Variants in RBMS1 observed in about 807,000 individuals in gnomAD.
RBMS1 encodes the protein RNA-binding motif, single-stranded-interacting protein 1.
A neutral mutation model predicts 62.3 loss-of-function variants in RBMS1; 17 were observed. The ratio of observed to expected loss-of-function variants is 0.27; its 90% CI spans 0.19 to 0.41. The LOEUF (loss-of-function observed/expected upper bound fraction) is 0.41, where lower values mean the gene tolerates loss of function less well. RBMS1 is among the 10% of genes least tolerant of loss of function. The pLI is 1.00. For synonymous variants in RBMS1, 172 were observed against 170.0 expected, an observed-to-expected ratio of 1.01 and a Z score of -0.09; for missense variants, 334 against 504.5, an observed-to-expected ratio of 0.66 and a Z score of 3.24.
chr2:160,455,715 G>A (rs1157612229), intron 1 of RBMS1, among the ~76,000 whole-genome samples: 1 of 129,342 alleles, frequency 7.7e-6, no homozygotes, highest in Admixed American at 9.0e-5. Flanking sequence ...ACGGAGTCTC[G>A]CTCTGTCGCC....
chr2:160,483,077 C>T (rs1003942574), intron 1 of RBMS1, among the ~76,000 whole-genome samples: 3 of 137,146 alleles, frequency 2.2e-5, no homozygotes, highest in South Asian at 4.5e-4. Context: ...AATAATCTCT[C>T]TTAAAAAAAA....
intron 4 of RBMS1, among the ~76,000 whole-genome samples, chr2:160,306,553 T>A (rs1689536210): frequency 6.6e-6 from 1 of 152,074 alleles, no homozygotes; most frequent in Non-Finnish European, 1.5e-5. Context: ...AGCGCTAATG[T>A]TATTTATGTT....
chr2:160,388,471 T>C (rs1001993361), intron 1 of RBMS1, among the ~76,000 whole-genome samples: 1 of 152,178 alleles, frequency 6.6e-6, no homozygotes, highest in African/African-American at 2.4e-5. Context: ...AGAGACCCAG[T>C]GCCCCTGCTA....
intron 1 of RBMS1, among the ~76,000 whole-genome samples, chr2:160,404,260 G>A (rs570749291): frequency 6.6e-6 from 1 of 152,142 alleles, no homozygotes; most frequent in African/African-American, 2.4e-5. Flanking sequence ...TGTGAGGCAG[G>A]AAAATCCTGT....
intron 1 of RBMS1, among the ~76,000 whole-genome samples, chr2:160,409,137 T>C (rs998971550): frequency 2.6e-5 from 4 of 152,102 alleles, no homozygotes; most frequent in African/African-American, 9.7e-5. Flanking sequence ...GGAAAAAATA[T>C]TCATCCTAGA....
At chr2:160,428,345 G>A (rs1484495710) in intron 1 of RBMS1, among the ~76,000 whole-genome samples, 1 of 152,006 alleles carries the variant, frequency 6.6e-6, no homozygotes, top group Admixed American at 6.6e-5. Flanking sequence ...TATAAATGTC[G>A]AACTAAAAAG....
intron 1 of RBMS1, among the ~76,000 whole-genome samples, chr2:160,481,357 GT>G (rs1685362717): frequency 1.2e-5 from 1 of 81,040 alleles, no homozygotes; most frequent in Non-Finnish European, 2.6e-5. Flanking sequence ...AGTAGGAAAT[GT>G]AAAAAAAAAA....
At chr2:160,354,394 G>C (rs1692681913) in intron 2 of RBMS1, among the ~76,000 whole-genome samples, 1 of 151,994 alleles carries the variant, frequency 6.6e-6, no homozygotes, top group South Asian at 2.1e-4. Context: ...AGCTACACAG[G>C]GGCATTGAAA....
Position 160,448,743 on chromosome 2 carries a change from G to A in RBMS1, c.75+44546C>T, listed in dbSNP as rs532854801. Among the ~76,000 whole-genome samples the A allele has an allele frequency of 6.6e-5, 10 of 152,196 alleles. No homozygotes were observed. The East Asian group carries it at 1.6e-3, about 24-fold the overall frequency. Reference sequence around the variant, plus strand: ...CGTCTGGGAAGTGAGGAGCGTCTCTGCCTGGCCGCCCATCGTCTGGGATGT... The same window carrying A: ...CGTCTGGGAAGTGAGGAGCGTCTCTACCTGGCCGCCCATCGTCTGGGATGT... On this transcript the variant is annotated intron_variant, in intron 1 of 13. Coordinates refer to ENST00000348849, the MANE Select transcript of RBMS1 (RefSeq NM_016836.4).
chr2:160,465,888 A>ACACACACACTCT (rs569580064), intron 1 of RBMS1, among the ~76,000 whole-genome samples: 4 of 145,280 alleles, frequency 2.8e-5, no homozygotes, highest in African/African-American at 7.7e-5. Flanking sequence ...ACACACACAC[A>ACACACACACTCT]CTCTCACATT....
At chr2:160,336,398 A>G (rs930049537) in intron 2 of RBMS1, among the ~76,000 whole-genome samples, 3 of 152,154 alleles carry the variant, frequency 2.0e-5, no homozygotes, top group African/African-American at 7.2e-5. Context: ...TAGCGGGGAG[A>G]CAACCCATGC....
At chr2:160,475,398 A>G (rs1685082810) in intron 1 of RBMS1, among the ~76,000 whole-genome samples, 2 of 152,230 alleles carry the variant, frequency 1.3e-5, no homozygotes. Flanking sequence ...AAAGTGAGAC[A>G]TAACTGGTCC....
chr2:160,468,342 A>G (rs755587935), intron 1 of RBMS1, among the ~76,000 whole-genome samples: 9 of 152,230 alleles, frequency 5.9e-5, no homozygotes, highest in Non-Finnish European at 1.3e-4. Context: ...CTCTGAGAAC[A>G]TGGATTCATG....
In RBMS1 at chr2:160,325,050, G is replaced by A. The variant is rs373844771; in HGVS notation, c.252-6823C>T. 3.5e-4 allele frequency among the ~76,000 whole-genome samples: 53 copies of A among 151,856 alleles called. 1 individual carries two copies. In the South Asian group the frequency reaches 1.0e-2, roughly 29 times the overall value. ...AGAGTCAGTAAGGGACGTATTCAAG[G>A]TTACACAACTAAGTAGCAAAGATGG... On this transcript the variant is annotated intron_variant, in intron 2 of 13. Transcript: ENST00000348849.
intron 1 of RBMS1, among the ~76,000 whole-genome samples, chr2:160,423,517 C>T (rs1696518385): frequency 6.6e-6 from 1 of 152,154 alleles, no homozygotes; most frequent in Admixed American, 6.5e-5. Context: ...TATAACTTGG[C>T]TTCTGACTCC....
At chr2:160,394,120 G>T (rs1050413117) in intron 1 of RBMS1, among the ~76,000 whole-genome samples, 5 of 152,180 alleles carry the variant, frequency 3.3e-5, no homozygotes, top group Non-Finnish European at 7.4e-5. Context: ...CCCACTTTTC[G>T]TTGGACTATG....
chr2:160,388,325 C>G (rs1573981426), intron 1 of RBMS1, among the ~76,000 whole-genome samples: 1 of 152,256 alleles, frequency 6.6e-6, no homozygotes, highest in African/African-American at 2.4e-5. Flanking sequence ...ACCCAGATAG[C>G]CTAAAATGCC....
At chr2:160,291,176 T>G (rs1205842640) in intron 6 of RBMS1, among the ~76,000 whole-genome samples, 1 of 152,222 alleles carries the variant, frequency 6.6e-6, no homozygotes, top group Non-Finnish European at 1.5e-5. Flanking sequence ...CTCAGCAGGT[T>G]CTAACGAAGG....
At chr2:160,279,175 T>C (rs763588906) in intron 10 of RBMS1, 1 of 152,374 alleles carries the variant, frequency 6.6e-6, no homozygotes, top group Non-Finnish European at 1.5e-5. Flanking sequence ...CAAGATCAGG[T>C]TGTTAGGATC....
Sources: allele counts gnomAD v4.1 joint callset (sites outside exome capture counted in the v4.1 genomes callset), GRCh38; gene constraint gnomAD v4.1.1; transcripts MANE v1.5; gene names NCBI Gene and HGNC (gene_info 2026-07-23, HGNC 2026-07-21).